The following CDKN2B-AS1 variants were observed in gnomAD, a reference collection of about 807,000 sequenced individuals.
CDKN2B-AS1 encodes CDKN2B and CDKN2A antisense cis and trans regulatory RNA 1.
intron 4 of CDKN2B-AS1, among the ~76,000 whole-genome samples, chr9:22,068,717 CTATT>C (rs1306303772): frequency 1.3e-5 from 2 of 152,182 alleles, no homozygotes; most frequent in African/African-American, 4.8e-5. Context: ...CTTTCTGAAT[CTATT>C]TGTTTGTTTT....
chr9:22,044,960 A>G (rs1315409922), intron 1 of CDKN2B-AS1, among the ~76,000 whole-genome samples: 1 of 151,724 alleles, frequency 6.6e-6, no homozygotes, highest in Non-Finnish European at 1.5e-5. Context: ...CCATGTATAC[A>G]TTTCATATGA....
At chr9:22,099,189 G>T (rs1825395155) in intron 4 of CDKN2B-AS1, among the ~76,000 whole-genome samples, 1 of 152,104 alleles carries the variant, frequency 6.6e-6, no homozygotes, top group Non-Finnish European at 1.5e-5. Flanking sequence ...GCACAGTTTT[G>T]AAAGAACACT....
At position 22,068,695 on chromosome 9, in the gene CDKN2B-AS1, C is replaced by A. The variant is rs148726500; in HGVS notation, n.438+12308C>A. 2.0e-3 allele frequency among the ~76,000 whole-genome samples: 301 copies of A among 152,242 alleles called. 4 individuals carry two copies. Among genetic ancestry groups the A allele is most frequent in the African/African-American group, 6.8e-3 (284 of 41,532 alleles). ...TTACTGAATGAGCTCCTTTAGTAAA[C>A]GTGGATATGTGCTTTCTGAATCTAT... On this transcript the variant is annotated intron_variant and non_coding_transcript_variant, in intron 4 of 4. Transcript: ENST00000650946.
intron 4 of CDKN2B-AS1, among the ~76,000 whole-genome samples, chr9:22,080,581 T>A (rs184170222): frequency 1.3e-5 from 2 of 152,352 alleles, no homozygotes; most frequent in African/African-American, 4.8e-5. Context: ...GGGAAATGTT[T>A]AACAATTAAA....
chr9:22,080,046 CCA>C (rs1427711320), intron 4 of CDKN2B-AS1, among the ~76,000 whole-genome samples: 1 of 152,240 alleles, frequency 6.6e-6, no homozygotes, highest in African/African-American at 2.4e-5. Context: ...GTGTCCCACA[CCA>C]GTCTCAATGA....
rs903458388 is a variant in CDKN2B-AS1 at position 22,017,287 on chromosome 9, G to A, written n.29+22126G>A. Among the ~76,000 whole-genome samples the A allele has an allele frequency of 8.5e-5, 13 of 152,242 alleles. No homozygotes were observed. In the South Asian group the frequency reaches 1.2e-3, roughly 15 times the overall value. ...TAAAAACAAACAAAATTAGCCAGAC[G>A]TGGTGGCACACACCTGTAGTCCCAG... On this transcript the variant is annotated intron_variant and non_coding_transcript_variant, in intron 1 of 4. Transcript: ENST00000650946.
intron 4 of CDKN2B-AS1, among the ~76,000 whole-genome samples, chr9:22,069,276 C>G (rs1824192072): frequency 6.6e-6 from 1 of 152,008 alleles, no homozygotes; most frequent in Non-Finnish European, 1.5e-5. Context: ...AGTAGCAAAA[C>G]CCATGGGTAA....
At chr9:22,103,221 A>G (rs1433862528) in intron 4 of CDKN2B-AS1, among the ~76,000 whole-genome samples, 1 of 150,698 alleles carries the variant, frequency 6.6e-6, no homozygotes, top group African/African-American at 2.4e-5. Context: ...AACCATACCC[A>G]CTTTCCCACA....
At chr9:22,107,408 ACT>A (rs973329500) in intron 4 of CDKN2B-AS1, among the ~76,000 whole-genome samples, 2 of 152,098 alleles carry the variant, frequency 1.3e-5, no homozygotes, top group Non-Finnish European at 2.9e-5. Flanking sequence ...AAGCCTTTGC[ACT>A]CTCAGTCTAG....
intron 4 of CDKN2B-AS1, among the ~76,000 whole-genome samples, chr9:22,105,147 A>G (rs188603417): frequency 6.6e-6 from 1 of 152,316 alleles, no homozygotes; most frequent in African/African-American, 2.4e-5. Flanking sequence ...AACTCGTTAA[A>G]TGAGGGTATG....
chr9:22,027,671 G>A (rs924364955), intron 1 of CDKN2B-AS1, among the ~76,000 whole-genome samples: 4 of 152,122 alleles, frequency 2.6e-5, no homozygotes, highest in East Asian at 1.9e-4. Context: ...TTTATTGAGT[G>A]TCTGTTATGT....
intron 4 of CDKN2B-AS1, among the ~76,000 whole-genome samples, chr9:22,087,384 C>G (rs1824899517): frequency 6.6e-6 from 1 of 152,122 alleles, no homozygotes; most frequent in South Asian, 2.1e-4. Flanking sequence ...GAAACTGGAT[C>G]CCTGATGACA....
At chr9:22,057,886 C>T (rs974231745) in intron 4 of CDKN2B-AS1, among the ~76,000 whole-genome samples, 3 of 151,818 alleles carry the variant, frequency 2.0e-5, no homozygotes, top group East Asian at 1.9e-4. Context: ...GAGGCCAAGG[C>T]GGGTGGATCA....
chr9:22,088,626 A>G (rs1234878494), intron 4 of CDKN2B-AS1, among the ~76,000 whole-genome samples: 1 of 152,236 alleles, frequency 6.6e-6, no homozygotes, highest in East Asian at 1.9e-4. Flanking sequence ...ATCAATTAGT[A>G]AGAGTGGTAT....
chr9:22,094,392 G>T (rs1587523487), intron 4 of CDKN2B-AS1, among the ~76,000 whole-genome samples: 1 of 144,288 alleles, frequency 6.9e-6, no homozygotes, highest in East Asian at 2.0e-4. Context: ...AAGTTCTCCT[G>T]GATAATATCC....
chr9:22,040,204 CTG>C (rs1822844902), intron 1 of CDKN2B-AS1, among the ~76,000 whole-genome samples: 1 of 151,990 alleles, frequency 6.6e-6, no homozygotes, highest in Non-Finnish European at 1.5e-5. Flanking sequence ...ACCACTCTAA[CTG>C]TTGATCAAGG....
intron 1 of CDKN2B-AS1, among the ~76,000 whole-genome samples, chr9:22,025,624 T>A (rs929143279): frequency 1.3e-5 from 2 of 152,060 alleles, no homozygotes; most frequent in Non-Finnish European, 2.9e-5. Flanking sequence ...CCTGGTCACT[T>A]TAGATTTTCC....
At chr9:22,106,501 G>A (rs553358264) in intron 4 of CDKN2B-AS1, among the ~76,000 whole-genome samples, 33 of 152,308 alleles carry the variant, frequency 2.2e-4, no homozygotes, top group African/African-American at 6.5e-4. Flanking sequence ...ATAGGCATGC[G>A]CTACCGTGCC....
At chr9:22,113,348 C>T (rs1479328493) in intron 4 of CDKN2B-AS1, among the ~76,000 whole-genome samples, 1 of 152,210 alleles carries the variant, frequency 6.6e-6, no homozygotes, top group South Asian at 2.1e-4. Context: ...TCTCTGACTT[C>T]CCTTTCTGTC....
Sources: gnomAD v4.1 joint callset for allele counts (sites outside exome capture counted in the v4.1 genomes callset) on GRCh38, gnomAD v4.1.1 for gene constraint, MANE v1.5 for transcripts, NCBI Gene and HGNC (gene_info 2026-07-23, HGNC 2026-07-21) for gene names.